Variants in DDHD1 observed in about 807,000 individuals in gnomAD.
DDHD1 encodes the protein phospholipase DDHD1.
A neutral mutation model predicts 96.4 loss-of-function variants in DDHD1; 49 were observed. That is an observed-to-expected ratio of 0.51 (90% CI 0.40 to 0.64). The LOEUF is 0.64. DDHD1 is among the 30% of genes least tolerant of loss of function. The probability of loss-of-function intolerance (pLI) is 0.00; values close to 1 mark genes in which losing one functional copy is unlikely to be tolerated. For missense variants in DDHD1, 1,106 were observed against 1,161.2 expected, an observed-to-expected ratio of 0.95 and a Z score of 0.69; for synonymous variants, 442 against 446.5, an observed-to-expected ratio of 0.99 and a Z score of 0.13.
At chr14:53,070,035 C>T (rs565008663) in intron 6 of DDHD1, among the ~76,000 whole-genome samples, 1 of 152,218 alleles carries the variant, frequency 6.6e-6, no homozygotes, top group East Asian at 1.9e-4. Context: ...AAGAGCATTA[C>T]AGAAAGTGAC....
chr14:53,047,067 T>A (rs1222166043), intron 12 of DDHD1, 118 bp from the exon 13 acceptor site: 4 of 719,836 alleles, frequency 5.6e-6, no homozygotes, highest in Non-Finnish European at 8.2e-6. Flanking sequence ...GTCACTTTTT[T>A]AAGAAGTGAC....
In DDHD1 at chr14:53,130,447, G is replaced by A. The variant is rs149610528; in HGVS notation, c.838+21814C>T. 1.8e-3 allele frequency among the ~76,000 whole-genome samples: 272 copies of A among 152,270 alleles called. 1 individual carries two copies. Among genetic ancestry groups the A allele is most frequent in the African/African-American group, 5.5e-3 (228 of 41,552 alleles). Reference sequence around the variant, plus strand: ...CTAGACCCAGAGGGGCCAGAAGTCCGTCTTATTCTCAACATACATTTTATT... The same window carrying A: ...CTAGACCCAGAGGGGCCAGAAGTCCATCTTATTCTCAACATACATTTTATT... On this transcript the variant is annotated intron_variant, in intron 1 of 12. Transcript: ENST00000673822.
chr14:53,073,705 C>T (rs749346036), intron 5 of DDHD1, 36 bp downstream of exon 5: 6 of 1,537,466 alleles, frequency 3.9e-6, no homozygotes, highest in South Asian at 1.2e-5. Context: ...AAAAGTTTGC[C>T]ATTGGCTAAA....
intron 1 of DDHD1, among the ~76,000 whole-genome samples, chr14:53,105,623 C>A (rs961151865): frequency 2.6e-5 from 4 of 152,040 alleles, no homozygotes; most frequent in African/African-American, 7.2e-5. Flanking sequence ...TTATTTTTTC[C>A]ATTTGCCTGT....
Position 53,044,158 on chromosome 14 carries a change from A to C in DDHD1, c.*2610T>G, listed in dbSNP as rs1286974375. ...GTTAACATGCACAGACATAGAAACA[A>C]GGATACTACAAAACCGAAATCACCA... On this transcript the variant is annotated 3_prime_UTR_variant, in exon 13 of 13. Coordinates refer to ENST00000673822, the MANE Select transcript of DDHD1 (RefSeq NM_001160148.2). 6.6e-6 allele frequency: 1 copy of C among 152,216 alleles called. No homozygotes were observed. Among genetic ancestry groups the C allele is most frequent in the Non-Finnish European group, 1.5e-5 (1 of 68,042 alleles). The allele number at this position is 152,216 out of a possible 1,614,324, so 9.4% of individuals were successfully genotyped here. A position where few individuals can be genotyped will look rare whatever the true frequency, so the allele number is the denominator to read the frequency against.
intron 10 of DDHD1, 24 bp from the exon 11 acceptor site, chr14:53,054,653 T>C (rs1240387081): frequency 1.2e-6 from 2 of 1,607,370 alleles, no homozygotes; most frequent in Non-Finnish European, 1.7e-6. Flanking sequence ...AGCAGGGTAG[T>C]CATTCTGTTG....
At chr14:53,131,937 A>G (rs1381610087) in intron 1 of DDHD1, among the ~76,000 whole-genome samples, 1 of 152,104 alleles carries the variant, frequency 6.6e-6, no homozygotes, top group East Asian at 1.9e-4. Context: ...GATCATGTCC[A>G]GCTAATCTCC....
chr14:53,109,488 GC>G (rs1887948870), intron 1 of DDHD1, among the ~76,000 whole-genome samples: 1 of 152,082 alleles, frequency 6.6e-6, no homozygotes, highest in South Asian at 2.1e-4. Context: ...ATTGTAATGT[GC>G]TATTTCCTTG....
At position 53,091,813 on chromosome 14, in the gene DDHD1, G is replaced by C. The variant is rs752846914; in HGVS notation, c.1261C>G (p.Gln421Glu). ...VVHGIGQKMD[Q>E]GRIIKNTAMM... The stretch of plus-strand genomic sequence containing the variant: ...GCTGTATTTTTGATAATTCTTCCTT[G>C]GTCCATTTTCTGCCCAATGCCATGC... The change falls in exon 4 of 13, where the codon CAA becomes GAA. Residue 421 changes from glutamine to glutamate, a missense_variant. Gln to Glu is a conservative substitution (Grantham distance 29). Around this residue, in one of 2 missense-constraint regions of DDHD1, gnomAD observed 650 missense variants for 758.8 expected, o/e 0.86. Coordinates refer to ENST00000673822, the MANE Select transcript of DDHD1 (RefSeq NM_001160148.2). The C allele has an allele frequency of 1.1e-5, 18 of 1,612,966 alleles. No homozygotes were observed. The highest frequency in any genetic ancestry group is 2.2e-5 in the East Asian group (1 of 44,832).
intron 1 of DDHD1, among the ~76,000 whole-genome samples, chr14:53,112,906 G>T (rs1888214846): frequency 6.6e-6 from 1 of 152,088 alleles, no homozygotes; most frequent in Admixed American, 6.6e-5. Context: ...ATAAAAAAAA[G>T]ATATGTTACA....
rs866672629 is a variant in DDHD1, at chr14:53,153,200, A to T, written c.-102T>A. 6.5e-6 allele frequency: 7 copies of T among 1,078,318 alleles called. No individual in the cohort carries two copies. Among genetic ancestry groups the T allele is most frequent in the Non-Finnish European group, 8.6e-6 (7 of 817,878 alleles). 66.8% of individuals were successfully genotyped at this position (1,078,318 alleles called of 1,614,324 possible). A position where few individuals can be genotyped will look rare whatever the true frequency, so the allele number is the denominator to read the frequency against. Reference sequence around the variant, plus strand: ...GCCGCCCTCTCCACCCGAAGTTTCTAATCTTTCAAATCCCGACCCGAGCTG... The same window carrying T: ...GCCGCCCTCTCCACCCGAAGTTTCTTATCTTTCAAATCCCGACCCGAGCTG... On this transcript the variant is annotated 5_prime_UTR_variant, in exon 1 of 13. Coordinates refer to ENST00000673822, the MANE Select transcript of DDHD1 (RefSeq NM_001160148.2).
chr14:53,125,502 C>T (rs1043923869), intron 1 of DDHD1, among the ~76,000 whole-genome samples: 6 of 152,180 alleles, frequency 3.9e-5, no homozygotes, highest in African/African-American at 1.4e-4. Context: ...ATCAATTCCA[C>T]ACTGATTATA....
At chr14:53,121,192 C>A (rs574571125) in intron 1 of DDHD1, among the ~76,000 whole-genome samples, 1 of 152,270 alleles carries the variant, frequency 6.6e-6, no homozygotes, top group African/African-American at 2.4e-5. Context: ...AGTTCATCAT[C>A]ACTAGTCATT....
At chr14:53,081,082 A>G (rs191028841) in intron 4 of DDHD1, among the ~76,000 whole-genome samples, 320 of 152,300 alleles carry the variant, frequency 2.1e-3, no homozygotes, top group Middle Eastern at 3.4e-3. Context: ...GCATATCCCC[A>G]AAGTTCGCAT....
chr14:53,086,880 T>A (rs1010211662), intron 4 of DDHD1, among the ~76,000 whole-genome samples: 2 of 149,264 alleles, frequency 1.3e-5, no homozygotes, highest in African/African-American at 2.5e-5. Context: ...GACCCATCAG[T>A]GTGCTGTATT....
intron 1 of DDHD1, among the ~76,000 whole-genome samples, chr14:53,136,057 A>T (rs908447503): frequency 6.6e-6 from 1 of 152,122 alleles, no homozygotes. Flanking sequence ...CTAACTGATC[A>T]ATGTGCTTTG....
chr14:53,113,390 CAAA>C (rs60704615), intron 1 of DDHD1, among the ~76,000 whole-genome samples: 34 of 118,238 alleles, frequency 2.9e-4, no homozygotes, highest in African/African-American at 1.3e-3. Flanking sequence ...CTGTACAAGC[CAAA>C]AAAAAAAAAA....
chr14:53,152,998 A>C lies in DDHD1; in HGVS notation c.101T>G (p.Phe34Cys). ...WELGSDARPA[F>C]GGGVCCFEHL... ...CTCGAAGCAGCAGACGCCGCCGCCG[A>C]ACGCTGGCCTCGCGTCTGAGCCCAG... Residue 34 changes from phenylalanine (F) to cysteine (C), a missense_variant, in exon 1 of 13, where the codon TTC (phenylalanine) becomes TGC (cysteine). Transcript: ENST00000673822. The C allele has an allele frequency of 6.5e-7, 1 of 1,543,526 alleles. No homozygotes were observed. The highest frequency in any genetic ancestry group is 8.7e-7 in the Non-Finnish European group (1 of 1,147,656).
intron 1 of DDHD1, among the ~76,000 whole-genome samples, chr14:53,134,030 T>C (rs867680092): frequency 3.3e-5 from 5 of 152,154 alleles, no homozygotes; most frequent in African/African-American, 1.2e-4. Flanking sequence ...TCCCTTAAAC[T>C]CACTTGCATT....
Sources: allele counts gnomAD v4.1 joint callset (sites outside exome capture counted in the v4.1 genomes callset), GRCh38; gene constraint gnomAD v4.1.1; regional missense constraint gnomAD v4.1.1; transcripts MANE v1.5; gene names NCBI Gene and HGNC (gene_info 2026-07-23, HGNC 2026-07-21).